KIFAP3: variants seen among roughly 807,000 people sequenced by gnomAD.
KIFAP3 encodes the protein kinesin associated protein 3.
KIFAP3 carries 68 observed loss-of-function variants against 106.5 expected under a neutral mutation model. The observed-to-expected ratio is 0.64, with a 90% CI of 0.53 to 0.78. The LOEUF is 0.78. Ranked by LOEUF, KIFAP3 falls within the 30% of genes least tolerant of loss-of-function variation. KIFAP3 has a pLI of 0.00. For synonymous variants in KIFAP3, 320 were observed against 311.5 expected, an observed-to-expected ratio of 1.03 and a Z score of -0.29; for missense variants, 780 against 941.8, an observed-to-expected ratio of 0.83 and a Z score of 2.25.
At chr1:170,003,128 T>C (rs61825320) in intron 10 of KIFAP3, among the ~76,000 whole-genome samples, 16,118 of 152,228 alleles carry the variant, frequency 0.11, 1,014 homozygotes, top group East Asian at 0.19. Flanking sequence ...ATATATAAAA[T>C]AGAAGATGCA....
At chr1:169,942,322 T>C (rs1416367000) in intron 19 of KIFAP3, among the ~76,000 whole-genome samples, 1 of 152,236 alleles carries the variant, frequency 6.6e-6, no homozygotes, top group Non-Finnish European at 1.5e-5. Context: ...ACTCAATTTA[T>C]GGAGTCTTGG....
chr1:169,925,174 AG>A (rs997345911), intron 19 of KIFAP3, among the ~76,000 whole-genome samples: 2 of 152,178 alleles, frequency 1.3e-5, no homozygotes, highest in African/African-American at 4.8e-5. Flanking sequence ...CAACTATTAT[AG>A]TACTTTTTCT....
At chr1:170,012,271 C>T (rs1287883929) in intron 10 of KIFAP3, among the ~76,000 whole-genome samples, 9 of 151,958 alleles carry the variant, frequency 5.9e-5, no homozygotes, top group Non-Finnish European at 1.0e-4. Context: ...AAATACATGG[C>T]GTTCTGGGGC....
At chr1:169,993,695 T>C in intron 10 of KIFAP3, among the ~76,000 whole-genome samples, 1 of 151,452 alleles carries the variant, frequency 6.6e-6, no homozygotes, top group African/African-American at 2.4e-5. Flanking sequence ...AACGCCAGCC[T>C]GGCCAACATG....
In KIFAP3 at chr1:169,946,225, G is replaced by C. The variant is rs188382007; in HGVS notation, c.2273+7786C>G. Among the ~76,000 whole-genome samples the C allele has an allele frequency of 1.4e-5, 2 of 144,072 alleles. 1 individual carries two copies. Among genetic ancestry groups the C allele is most frequent in the Non-Finnish European group, 3.0e-5 (2 of 66,232 alleles). The allele number at this position is 144,072 out of a possible 152,430, so 94.5% of individuals were successfully genotyped here. A position where few individuals can be genotyped will look rare whatever the true frequency, so the allele number is the denominator to read the frequency against. The stretch of plus-strand genomic sequence containing the variant: ...TTTCATTCCCATTTTTTATACAACT[G>C]GATTTAATCTGTAGAGAATTTAGTG... On this transcript the variant is annotated intron_variant, in intron 19 of 19. Transcript: ENST00000361580.
At chr1:170,047,080 A>G (rs1379207200) in intron 2 of KIFAP3, among the ~76,000 whole-genome samples, 1 of 152,144 alleles carries the variant, frequency 6.6e-6, no homozygotes, top group Non-Finnish European at 1.5e-5. Flanking sequence ...GGAACATAAA[A>G]TCTTTTTCAG....
In KIFAP3 at chr1:170,038,425, C is replaced by G; in HGVS notation, c.382G>C (p.Glu128Gln). The G allele has an allele frequency of 6.2e-7, 1 of 1,604,942 alleles. No individual in the cohort carries two copies. The highest frequency in any genetic ancestry group is 8.5e-7 in the Non-Finnish European group (1 of 1,177,776). ...TCCATGTCATTAATGTTAGCAACTT[C>G]ATCAATCTGAAACAAAGAGGCAGAA... ...PPPFEGMEID[E>Q]VANINDMDEY... The change falls in exon 5 of 20, where the codon GAA (glutamate) becomes CAA (glutamine). Residue 128 changes from glutamate to glutamine, a missense_variant. Coordinates refer to ENST00000361580, the MANE Select transcript of KIFAP3 (RefSeq NM_014970.4).
intron 1 of KIFAP3, among the ~76,000 whole-genome samples, chr1:170,083,491 T>C (rs1044774340): frequency 1.3e-5 from 2 of 152,194 alleles, no homozygotes; most frequent in South Asian, 2.1e-4. Context: ...ACTTTTGACC[T>C]TGGGCAAGTT....
intron 1 of KIFAP3, among the ~76,000 whole-genome samples, chr1:170,074,068 T>G (rs953727638): frequency 5.9e-5 from 9 of 151,702 alleles, no homozygotes; most frequent in Non-Finnish European, 1.0e-4. Flanking sequence ...CAGACTTTAT[T>G]CCCAGGCTCT....
chr1:170,059,125 C>A (rs752387212), intron 1 of KIFAP3, among the ~76,000 whole-genome samples: 12 of 151,908 alleles, frequency 7.9e-5, no homozygotes, highest in Non-Finnish European at 1.2e-4. Context: ...GAAGCAAAAG[C>A]AAACACATTT....
chr1:170,035,365 G>A, intron 6 of KIFAP3, 89 bp downstream of exon 6: 1 of 722,716 alleles, frequency 1.4e-6, no homozygotes. Context: ...AAAACTGAGA[G>A]AACAAGTGAT....
intron 3 of KIFAP3, chr1:170,042,051 T>A: frequency 6.0e-6 from 1 of 166,572 alleles, no homozygotes; most frequent in Non-Finnish European, 1.2e-5. Context: ...TCAATGTGCC[T>A]AACGGGTGGA....
chr1:170,018,598 TTTGA>T (rs1484940759), intron 9 of KIFAP3, among the ~76,000 whole-genome samples: 1 of 122,938 alleles, frequency 8.1e-6, no homozygotes. Context: ...TTATTAATCC[TTTGA>T]TTATTTAATC....
chr1:169,941,576 A>G (rs958954614), intron 19 of KIFAP3, among the ~76,000 whole-genome samples: 2 of 152,122 alleles, frequency 1.3e-5, no homozygotes, highest in South Asian at 4.1e-4. Flanking sequence ...ATCTTCTGGG[A>G]AAATATAAGC....
intron 1 of KIFAP3, among the ~76,000 whole-genome samples, chr1:170,066,111 T>C (rs1671430834): frequency 6.6e-6 from 1 of 152,116 alleles, no homozygotes; most frequent in Non-Finnish European, 1.5e-5. Flanking sequence ...TTACCTTTTT[T>C]TTTTCACAAG....
chr1:170,059,094 A>T (rs767812445), intron 1 of KIFAP3, among the ~76,000 whole-genome samples: 1 of 152,222 alleles, frequency 6.6e-6, no homozygotes, highest in Non-Finnish European at 1.5e-5. Flanking sequence ...GCATCCTAAC[A>T]TCACAATTAA....
At chr1:169,967,217 T>G (rs1444632132) in intron 17 of KIFAP3, among the ~76,000 whole-genome samples, 1 of 151,976 alleles carries the variant, frequency 6.6e-6, no homozygotes, top group Middle Eastern at 3.4e-3. Flanking sequence ...GACTAAAAAA[T>G]GTGAGAAAGA....
chr1:169,958,961 T>G (rs530746449), intron 18 of KIFAP3, among the ~76,000 whole-genome samples: 3 of 152,164 alleles, frequency 2.0e-5, no homozygotes, highest in Non-Finnish European at 4.4e-5. Context: ...TACATTTGAC[T>G]ATTAAATCGT....
chr1:169,953,570 A>G (rs1241128220), intron 19 of KIFAP3, among the ~76,000 whole-genome samples: 1 of 152,052 alleles, frequency 6.6e-6, no homozygotes, highest in Non-Finnish European at 1.5e-5. Flanking sequence ...GCTGGAGTGC[A>G]GTGGCGTGAT....
Sources: gnomAD v4.1 joint callset for allele counts (sites outside exome capture counted in the v4.1 genomes callset) on GRCh38, gnomAD v4.1.1 for gene constraint, MANE v1.5 for transcripts, NCBI Gene and HGNC (gene_info 2026-07-23, HGNC 2026-07-21) for gene names.